The following PNKP variants were observed in gnomAD, a reference collection of about 807,000 sequenced individuals.
The protein encoded by PNKP is polynucleotide kinase 3'-phosphatase, also known as bifunctional polynucleotide phosphatase/kinase.
In PNKP, 82 loss-of-function variants were observed where a neutral mutation model predicts 66.2. The ratio of observed to expected loss-of-function variants is 1.24; its 90% CI spans 1.04 to 1.49. The LOEUF (loss-of-function observed/expected upper bound fraction) is 1.49. Among genes scored for constraint, PNKP ranks in the 40% most tolerant of loss-of-function variants. The pLI is 0.00. For missense variants in PNKP, 907 were observed against 706.8 expected, an observed-to-expected ratio of 1.28 and a Z score of -3.21; for synonymous variants, 412 against 298.9, an observed-to-expected ratio of 1.38 and a Z score of -3.90.
Position 49,867,178 on chromosome 19 carries a change from G to A in PNKP, c.27C>T (p.Arg9=), listed in dbSNP as rs1008128554. 5 of 1,611,826 alleles carry A rather than the reference G, an allele frequency of 3.1e-6. No individual in the cohort carries two copies. The highest frequency in any genetic ancestry group is 3.4e-6 in the Non-Finnish European group (4 of 1,179,422). Residue 9 remains arginine, a synonymous_variant, in exon 2 of 17, where the codon CGC becomes CGT. Coordinates refer to ENST00000322344, the MANE Select transcript of PNKP (RefSeq NM_007254.4). MGEVEAPG[R]LWLESPPGGA... Reference sequence around the variant, plus strand: ...CCCCAGGGGGGCTCTCGAGCCACAAGCGGCCCGGGGCCTCCACCTCGCCCA... The same window carrying A: ...CCCCAGGGGGGCTCTCGAGCCACAAACGGCCCGGGGCCTCCACCTCGCCCA...
chr19:49,862,602 GCTGCGT>G lies in PNKP; in HGVS notation c.866_871del (p.Asp289_Ala290del). ...CGGGGCCCAGTTGGCCGGGCGTCCG[GCTGCGT>G]CTGGAACACACGGGACACCCCGTTC... is the stretch of plus-strand genomic sequence containing the variant. On this transcript the variant is annotated inframe_deletion and splice_region_variant, in exon 10 of 17. Transcript: ENST00000322344. The G allele has an allele frequency of 6.2e-7, 1 of 1,613,728 alleles. No individual in the cohort carries two copies. Among genetic ancestry groups the G allele is most frequent in the Non-Finnish European group, 8.5e-7 (1 of 1,179,828 alleles).
rs780655453 is a variant in PNKP, at chr19:49,861,790, T to TAC, written c.1279_1280insGT (p.Asp427GlyfsTer41). 1 of 1,566,274 alleles carries TAC rather than the reference T, an allele frequency of 6.4e-7. No individual in the cohort carries two copies. The highest frequency in any genetic ancestry group is 1.4e-5 in the African/African-American group (1 of 72,462). Reference sequence around the variant, plus strand: ...ACGCTACCTGGCGCGGCTCGCGGCGTCTGGGTTTGTGTTGTCGATGGCGAC... The same window carrying TAC: ...ACGCTACCTGGCGCGGCTCGCGGCGTACCTGGGTTTGTGTTGTCGATGGCGAC... On this transcript the variant is annotated frameshift_variant, in exon 14 of 17. Transcript: ENST00000322344. LOFTEE classifies it high-confidence loss of function.
intron 8 of PNKP, 107 bp downstream of exon 8, chr19:49,863,582 G>T: frequency 1.3e-6 from 1 of 777,254 alleles, no homozygotes; most frequent in Non-Finnish European, 2.2e-6. Context: ...AGGAGGGAGC[G>T]AGAGAGGACA....
rs1449162287 is a variant in PNKP at position 49,864,171 on chromosome 19, GCA to G, written c.636+6_636+7del. 6.2e-7 allele frequency: 1 copy of G among 1,613,614 alleles called. No homozygotes were observed. The highest frequency in any genetic ancestry group is 2.2e-5 in the East Asian group (1 of 44,894). On this transcript the variant is annotated splice_donor_region_variant and intron_variant, in intron 6 of 16. Coordinates refer to ENST00000322344, the MANE Select transcript of PNKP (RefSeq NM_007254.4). Reference sequence around the variant, plus strand: ...CACGTGCCCATGCAGACAGGCGGCTGCACATACCTTGTAGCCCTCGGCTTCCA... The same window carrying G: ...CACGTGCCCATGCAGACAGGCGGCTGCATACCTTGTAGCCCTCGGCTTCCA...
chr19:49,866,003 C>A, intron 3 of PNKP: 1 of 334,868 alleles, frequency 3.0e-6, no homozygotes, highest in Non-Finnish European at 5.8e-6. Flanking sequence ...CCCTTCTCTC[C>A]CAGCCATATT....
chr19:49,861,949 G>C, intron 13 of PNKP, 68 bp from the exon 14 acceptor site: 1 of 1,583,478 alleles, frequency 6.3e-7, no homozygotes, highest in Non-Finnish European at 8.7e-7. Flanking sequence ...AGCGGGGACG[G>C]GGAGGCAATG....
At position 49,861,881 on chromosome 19, in the gene PNKP, C is replaced by T; in HGVS notation, c.1189G>A (p.Asp397Asn). Residue 397 changes from aspartate to asparagine, a missense_variant and splice_region_variant, in exon 14 of 17, where the codon GAC becomes AAC. Physicochemically the swap from Asp to Asn is conservative, Grantham distance 23 (BLOSUM62 1). Coordinates refer to ENST00000322344, the MANE Select transcript of PNKP (RefSeq NM_007254.4). Reference sequence around the variant, plus strand: ...CAGCGCTGCCAGGAGCCTAGCGTGTCCTGGGGACACGAGAGGTCACAAACA... The same window carrying T: ...CAGCGCTGCCAGGAGCCTAGCGTGTTCTGGGGACACGAGAGGTCACAAACA... ...VSAGYVHVNRDTLGSWQRCVT... is the reference protein window; with the variant it reads ...VSAGYVHVNRNTLGSWQRCVT... 3.1e-6 allele frequency: 5 copies of T among 1,587,982 alleles called. No individual in the cohort carries two copies. The highest frequency in any genetic ancestry group is 4.3e-6 in the Non-Finnish European group (5 of 1,169,994).
At chr19:49,861,723 G>GCCCCGCCCACC in intron 14 of PNKP, 28 bp from the exon 15 acceptor site, 2 of 1,548,380 alleles carry the variant, frequency 1.3e-6, no homozygotes, top group Non-Finnish European at 1.7e-6. Flanking sequence ...GGATGTGCAG[G>GCCCCGCCCACC]CCCCGCCCAC....
chr19:49,866,166 T>C, intron 3 of PNKP: 2 of 557,026 alleles, frequency 3.6e-6, no homozygotes, highest in South Asian at 3.7e-5. Flanking sequence ...CGCGCCACCA[T>C]TCCCGCTAAT....
rs567595701 is a variant in PNKP at position 49,862,299 on chromosome 19, C to G, written c.1030-18G>C. Reference sequence around the variant, plus strand: ...ACAGTCCTCTGCGAGGGGCGGGGGACACGCGTGAGATGCCGTCCCCATCCC... The same window carrying G: ...ACAGTCCTCTGCGAGGGGCGGGGGAGACGCGTGAGATGCCGTCCCCATCCC... On this transcript the variant is annotated intron_variant, in intron 11 of 16. Transcript: ENST00000322344. 4 of 1,563,800 alleles carry G rather than the reference C, an allele frequency of 2.6e-6. No individual in the cohort carries two copies. The East Asian group carries it at 9.4e-5, about 37-fold the overall frequency.
rs2074802768 is a variant in PNKP at position 49,864,358 on chromosome 19, C to T, written c.544G>A (p.Gly182Arg). The change falls in exon 5 of 17, where the codon GGG becomes AGG. Residue 182 changes from glycine (G) to arginine (R), a missense_variant. By Grantham distance (125) the Gly-to-Arg change is moderately radical. Transcript: ENST00000322344. ...CTGGGGCCAGTGGGAAAGACCTTCC[C>T]AGAGCGTGTGGTGATGAGCGTCCCG... Reference protein sequence around the residue: ...LDGTLITTRSGKVFPTGPSDW... With the variant: ...LDGTLITTRSRKVFPTGPSDW... The T allele has an allele frequency of 6.2e-7, 1 of 1,614,112 alleles. No homozygotes were observed. Among genetic ancestry groups the T allele is most frequent in the East Asian group, 2.2e-5 (1 of 44,890 alleles).
chr19:49,862,322 C>A, intron 11 of PNKP, 41 bp from the exon 12 acceptor site: 1 of 1,539,380 alleles, frequency 6.5e-7, no homozygotes, highest in Non-Finnish European at 8.8e-7. Flanking sequence ...CCGTCCCCAT[C>A]CCCGGGAGCC....
At chr19:49,864,492 C>G in intron 4 of PNKP, 89 bp from the exon 5 acceptor site, 1 of 995,928 alleles carries the variant, frequency 1.0e-6, no homozygotes, top group South Asian at 1.3e-5. Flanking sequence ...CCCTGCCAGG[C>G]AGGGTGTTAT....
Position 49,861,485 on chromosome 19 carries a change from T to A in PNKP, c.1412A>T (p.His471Leu), listed in dbSNP as rs142032281. Residue 471 changes from histidine to leucine, a missense_variant, in exon 16 of 17, where the codon CAT (histidine) becomes CTT (leucine). By Grantham distance (99) the His-to-Leu change is moderately conservative (BLOSUM62 -3). Transcript: ENST00000322344. ...NRFREMTDSS[H>L]IPVSDMVMYG... is the part of the protein sequence containing the mutation. ...CATGACCATGTCTGACACGGGGATA[T>A]GAGAGGAGTCCGTCATCTCTCGAAA... 252 of 1,608,048 alleles carry A rather than the reference T, an allele frequency of 1.6e-4. No homozygotes were observed. Among genetic ancestry groups the A allele is most frequent in the South Asian group, 3.7e-4 (34 of 90,984 alleles).
Position 49,867,190 on chromosome 19 carries a change from C to A in PNKP, c.15G>T (p.Glu5Asp), listed in dbSNP as rs762369389. The stretch of plus-strand genomic sequence containing the variant: ...TCTCGAGCCACAAGCGGCCCGGGGC[C>A]TCCACCTCGCCCATCCTGGGTGCCG... MGEV[E>D]APGRLWLESP... Residue 5 changes from glutamate (E) to aspartate (D), a missense_variant, in exon 2 of 17, where the codon GAG (glutamate) becomes GAT (aspartate). By Grantham distance (45) the Glu-to-Asp change is conservative. Transcript: ENST00000322344. 6.2e-7 allele frequency: 1 copy of A among 1,611,406 alleles called. No individual in the cohort carries two copies. Among genetic ancestry groups the A allele is most frequent in the Non-Finnish European group, 8.5e-7 (1 of 1,179,142 alleles).
rs746041621 is a variant in PNKP, at chr19:49,862,293, G to C, written c.1030-12C>G. On this transcript the variant is annotated splice_polypyrimidine_tract_variant and intron_variant, in intron 11 of 16. Transcript: ENST00000322344. ...CGGGAGACAGTCCTCTGCGAGGGGCGGGGGACACGCGTGAGATGCCGTCCC... is the reference window on the plus strand; with the variant it reads ...CGGGAGACAGTCCTCTGCGAGGGGCCGGGGACACGCGTGAGATGCCGTCCC... 8 of 1,570,672 alleles carry C rather than the reference G, an allele frequency of 5.1e-6. No individual in the cohort carries two copies. Among genetic ancestry groups the C allele is most frequent in the Non-Finnish European group, 6.9e-6 (8 of 1,157,170 alleles).
Position 49,867,476 on chromosome 19 carries a change from C to A in PNKP, c.-21G>T. On this transcript the variant is annotated 5_prime_UTR_variant, in exon 1 of 17. Coordinates refer to ENST00000322344, the MANE Select transcript of PNKP (RefSeq NM_007254.4). Reference sequence around the variant, plus strand: ...GCCCCGCCCCGTACTCACCCGGGACCGCGGCTTGGGCTCACGGCCACTTCC... The same window carrying A: ...GCCCCGCCCCGTACTCACCCGGGACAGCGGCTTGGGCTCACGGCCACTTCC... 1.9e-6 allele frequency: 1 copy of A among 516,386 alleles called. No homozygotes were observed. The highest frequency in any genetic ancestry group is 3.5e-6 in the Non-Finnish European group (1 of 287,048). 32.0% of individuals were successfully genotyped at this position (516,386 alleles called of 1,614,324 possible).
Position 49,865,108 on chromosome 19 carries a change from C to A in PNKP, c.498+19G>T. ...TCCCAGTCTGTGGCGGCTCCCTCAG[C>A]CCTCGGCGTGGCCCTCACCTTGCCC... On this transcript the variant is annotated intron_variant, in intron 4 of 16. Transcript: ENST00000322344. 1 of 1,610,104 alleles carries A rather than the reference C, an allele frequency of 6.2e-7. No individual in the cohort carries two copies. The highest frequency in any genetic ancestry group is 8.5e-7 in the Non-Finnish European group (1 of 1,177,822).
chr19:49,861,969 A>G lies in PNKP; in HGVS notation c.1188+75T>C, dbSNP rs537361270. 5 of 1,594,002 alleles carry G rather than the reference A, an allele frequency of 3.1e-6. No individual in the cohort carries two copies. The Admixed American group carries it at 8.4e-5, about 27-fold the overall frequency. On this transcript the variant is annotated intron_variant, in intron 13 of 16. Transcript: ENST00000322344. The stretch of plus-strand genomic sequence containing the variant: ...GGACGGGGAGGCAATGATGGAGGAA[A>G]GCCGCCCCAAACCAGTTGAGAGGTG...
Sources: gnomAD v4.1 joint callset for allele counts on GRCh38, gnomAD v4.1.1 for gene constraint, MANE v1.5 for transcripts, NCBI Gene and HGNC (gene_info 2026-07-23, HGNC 2026-07-21) for gene names.